Variants in PTPN9 observed in about 807,000 individuals in gnomAD.
PTPN9 encodes the protein tyrosine-protein phosphatase non-receptor type 9.
PTPN9 carries 26 observed loss-of-function variants against 69.8 expected under a neutral mutation model. The observed-to-expected ratio is 0.37, with a 90% CI of 0.27 to 0.52. The LOEUF (loss-of-function observed/expected upper bound fraction) is 0.52. Among genes scored for constraint, PTPN9 ranks in the 20% least tolerant of loss-of-function variants. The probability of loss-of-function intolerance (pLI) is 0.91; values close to 1 mark genes in which losing one functional copy is unlikely to be tolerated. For missense variants in PTPN9, 549 were observed against 740.3 expected (o/e 0.74, Z 3.00); for synonymous variants, 274 against 272.5 (o/e 1.01, Z -0.05).
At chr15:75,566,743 T>G (rs1445575695) in intron 1 of PTPN9, among the ~76,000 whole-genome samples, 1 of 151,688 alleles carries the variant, frequency 6.6e-6, no homozygotes, top group Non-Finnish European at 1.5e-5. Context: ...ATCTTAGCAT[T>G]TTGGGAGGCT....
intron 7 of PTPN9, among the ~76,000 whole-genome samples, chr15:75,504,401 C>T (rs2074801575): frequency 2.3e-5 from 3 of 131,728 alleles, no homozygotes; most frequent in Non-Finnish European, 5.0e-5. Context: ...AGCCCCCCGC[C>T]CGGCCAGCCG....
At chr15:75,474,622 T>C (rs940251981) in intron 9 of PTPN9, among the ~76,000 whole-genome samples, 1 of 152,246 alleles carries the variant, frequency 6.6e-6, no homozygotes, top group Non-Finnish European at 1.5e-5. Flanking sequence ...CAACACTGAC[T>C]TACCCATTTC....
At chr15:75,508,039 CAA>C (rs990909256) in intron 6 of PTPN9, among the ~76,000 whole-genome samples, 2 of 37,378 alleles carry the variant, frequency 5.4e-5, no homozygotes, top group African/African-American at 1.1e-4. Context: ...GAGACACTCT[CAA>C]AAAAAAAAAA....
chr15:75,510,665 CCA>C (rs1035471723), intron 5 of PTPN9, among the ~76,000 whole-genome samples: 3 of 150,358 alleles, frequency 2.0e-5, no homozygotes, highest in African/African-American at 7.3e-5. Flanking sequence ...TACTGCTGTA[CCA>C]CCGATTCCAC....
chr15:75,526,940 C>A (rs749622450), intron 2 of PTPN9, among the ~76,000 whole-genome samples, 178 bp downstream of exon 2: 17 of 152,208 alleles, frequency 1.1e-4, no homozygotes, highest in Non-Finnish European at 1.8e-4. Context: ...AAAAGTAGTG[C>A]CTTCCAGTAG....
chr15:75,480,791 G>A (rs558057944), intron 8 of PTPN9: 24 of 1,014,698 alleles, frequency 2.4e-5, no homozygotes, highest in Middle Eastern at 4.0e-4. Context: ...GCGAGGCAGC[G>A]GCTGGAGGAG....
At chr15:75,539,510 G>A (rs1489065384) in intron 1 of PTPN9, among the ~76,000 whole-genome samples, 1 of 142,480 alleles carries the variant, frequency 7.0e-6, no homozygotes, top group Non-Finnish European at 1.5e-5. Context: ...GTTTCACTAC[G>A]TTGGCCAGAC....
At chr15:75,563,640 T>C (rs1433228301) in intron 1 of PTPN9, among the ~76,000 whole-genome samples, 3 of 152,202 alleles carry the variant, frequency 2.0e-5, no homozygotes, top group Non-Finnish European at 4.4e-5. Flanking sequence ...CAACTGCTGA[T>C]GGGCACTAAG....
intron 1 of PTPN9, among the ~76,000 whole-genome samples, chr15:75,575,010 G>GTTTTTTTT (rs1567533120): frequency 0.01 from 163 of 15,768 alleles, 69 homozygotes; most frequent in South Asian, 0.019. Context: ...TTGAGACAGA[G>GTTTTTTTT]GAGACGGAGT....
intron 1 of PTPN9, among the ~76,000 whole-genome samples, chr15:75,533,984 GAAAT>G (rs1284715890): frequency 2.0e-5 from 3 of 152,076 alleles, no homozygotes; most frequent in Non-Finnish European, 4.4e-5. Context: ...ACCTGCTCTT[GAAAT>G]AAACAAAAAA....
At chr15:75,513,398 G>A (rs2074853011) in intron 5 of PTPN9, 1 of 455,882 alleles carries the variant, frequency 2.2e-6, no homozygotes, top group Admixed American at 2.4e-5. Flanking sequence ...CTCCATAGAG[G>A]AGTGCTGGGG....
intron 7 of PTPN9, among the ~76,000 whole-genome samples, chr15:75,497,145 G>T (rs2074747406): frequency 6.6e-6 from 1 of 152,082 alleles, no homozygotes; most frequent in Non-Finnish European, 1.5e-5. Flanking sequence ...AACTAAGGAT[G>T]CGGATTAGAA....
At chr15:75,475,305 C>T (rs114171803) in intron 9 of PTPN9, among the ~76,000 whole-genome samples, 1 of 152,160 alleles carries the variant, frequency 6.6e-6, no homozygotes, top group African/African-American at 2.4e-5. Context: ...ACCGGCCGGG[C>T]GCAGGGCTCA....
intron 4 of PTPN9, among the ~76,000 whole-genome samples, chr15:75,520,033 G>A (rs1164506869): frequency 6.6e-6 from 1 of 152,132 alleles, no homozygotes; most frequent in Non-Finnish European, 1.5e-5. Context: ...GGGAGACAGA[G>A]GCAGGAGGAT....
chr15:75,516,038 G>C (rs2074867829), intron 5 of PTPN9, among the ~76,000 whole-genome samples: 1 of 151,842 alleles, frequency 6.6e-6, no homozygotes, highest in South Asian at 2.1e-4. Context: ...ATTTAAAAAG[G>C]CTCCTTAGTG....
chr15:75,534,388 T>C (rs1443875401), intron 1 of PTPN9, among the ~76,000 whole-genome samples: 1 of 152,136 alleles, frequency 6.6e-6, no homozygotes, highest in African/African-American at 2.4e-5. Flanking sequence ...GAAATATGTG[T>C]TCAGGCTGGG....
intron 1 of PTPN9, among the ~76,000 whole-genome samples, chr15:75,535,001 T>C (rs1309357930): frequency 2.1e-5 from 3 of 142,946 alleles, no homozygotes; most frequent in Non-Finnish European, 3.1e-5. Context: ...CTGAAAACGA[T>C]TTTTTTTTTT....
Position 75,490,244 on chromosome 15 carries a change from A to G in PTPN9, c.1026T>C (p.Thr342=), listed in dbSNP as rs751586269. The G allele has an allele frequency of 2.3e-5, 37 of 1,613,784 alleles. No individual in the cohort carries two copies. The East Asian group carries it at 8.2e-4, about 36-fold the overall frequency. ...RYGDVPCLDQ[T]RVKLTKRSGH... ...CACTTCGCTTTGTTAGCTTCACTCT[A>G]GTTTGGTCCAGGCAGGGTACATCCC... The change falls in exon 8 of 13, where the codon ACT becomes ACC. Residue 342 remains threonine (T), a synonymous_variant. Transcript: ENST00000618819.
chr15:75,504,208 C>CG (rs1163234759), intron 7 of PTPN9, among the ~76,000 whole-genome samples: 3 of 69,706 alleles, frequency 4.3e-5, no homozygotes, highest in African/African-American at 5.9e-5. Flanking sequence ...GGAGGGAGGT[C>CG]GGGGGGGTCA....
Sources: gnomAD v4.1 joint callset for allele counts (sites outside exome capture counted in the v4.1 genomes callset) on GRCh38, gnomAD v4.1.1 for gene constraint, MANE v1.5 for transcripts, NCBI Gene and HGNC (gene_info 2026-07-23, HGNC 2026-07-21) for gene names.